Variants in ZNF430 observed in about 807,000 individuals in gnomAD.
ZNF430 encodes zinc finger protein 430.
In ZNF430, 35 loss-of-function variants were observed where a neutral mutation model predicts 56.7. The observed-to-expected ratio is 0.62, with a 90% CI of 0.47 to 0.82. ZNF430 has a LOEUF of 0.82. ZNF430 is among the 40% of genes least tolerant of loss of function. The pLI, the probability that ZNF430 is intolerant of heterozygous loss-of-function variation, is 0.00. For missense variants in ZNF430, 574 were observed against 661.0 expected (o/e 0.87, Z 1.44); for synonymous variants, 212 against 224.3 (o/e 0.94, Z 0.49).
chr19:21,027,192 A>G (rs2144752629), intron 2 of ZNF430, among the ~76,000 whole-genome samples: 1 of 152,156 alleles, frequency 6.6e-6, no homozygotes, highest in African/African-American at 2.4e-5. Flanking sequence ...TATGTTGAAT[A>G]GGATGTTTGA....
chr19:21,023,438 A>G (rs914277388), intron 2 of ZNF430, among the ~76,000 whole-genome samples: 1 of 152,228 alleles, frequency 6.6e-6, no homozygotes, highest in Non-Finnish European at 1.5e-5. Context: ...CCAAAGGCAT[A>G]AAAGTGGTGG....
chr19:21,045,102 T>C (rs1184557662), intron 4 of ZNF430, among the ~76,000 whole-genome samples: 1 of 152,200 alleles, frequency 6.6e-6, no homozygotes, highest in Admixed American at 6.6e-5. Flanking sequence ...TTCTTATGTC[T>C]TGTCTTCTGT....
chr19:21,056,662 G>A lies in ZNF430; in HGVS notation c.354G>A (p.Trp118Ter). ...VTYSHFAQDL[W>*]PEQGIKDSFQ... is the part of the protein sequence containing the mutation. ...ATTCTCATTTTGCCCAAGACCTTTG[G>A]CCAGAGCAGGGCATAAAAGATTCTT... Residue 118 changes from tryptophan to a stop codon, truncating the protein, a stop_gained, in exon 5 of 5, where the codon TGG (tryptophan) becomes TGA (stop). Transcript: ENST00000261560. LOFTEE classifies it high-confidence loss of function. 6.4e-7 allele frequency: 1 copy of A among 1,552,476 alleles called. No homozygotes were observed. Among genetic ancestry groups the A allele is most frequent in the Non-Finnish European group, 8.7e-7 (1 of 1,150,792 alleles).
intron 2 of ZNF430, among the ~76,000 whole-genome samples, chr19:21,023,211 G>T (rs1967729436): frequency 6.6e-6 from 1 of 152,172 alleles, no homozygotes; most frequent in African/African-American, 2.4e-5. Context: ...CTCCTGAGTG[G>T]GTGGTTCTTG....
At chr19:21,056,561 G>A in intron 4 of ZNF430, 70 bp from the exon 5 acceptor site, 1 of 1,154,362 alleles carries the variant, frequency 8.7e-7, no homozygotes, top group Non-Finnish European at 1.2e-6. Flanking sequence ...TAATTATATG[G>A]GTTAGATTTG....
At position 21,056,934 on chromosome 19, in the gene ZNF430, A is replaced by T. The variant is rs572758723; in HGVS notation, c.626A>T (p.Lys209Ile). Residue 209 changes from lysine (K) to isoleucine (I), a missense_variant, in exon 5 of 5, where the codon AAA (lysine) becomes ATA (isoleucine). Physicochemically the swap from Lys to Ile is moderately radical, Grantham distance 102. Coordinates refer to ENST00000261560, the MANE Select transcript of ZNF430 (RefSeq NM_025189.4). ...HTGKKPFKCK[K>I]CDKSFCMLLH... ...GGAAAGAAGCCTTTCAAATGTAAAA[A>T]ATGTGACAAATCGTTTTGCATGCTT... is the stretch of plus-strand genomic sequence containing the variant. The T allele has an allele frequency of 2.5e-5, 40 of 1,613,506 alleles. No homozygotes were observed. In the East Asian group the frequency reaches 8.5e-4, roughly 34 times the overall value.
chr19:21,043,071 T>A (rs917730121), intron 4 of ZNF430, among the ~76,000 whole-genome samples: 1 of 152,178 alleles, frequency 6.6e-6, no homozygotes, highest in Non-Finnish European at 1.5e-5. Flanking sequence ...TTAGGTTGTC[T>A]GTTCACTCTG....
intron 2 of ZNF430, among the ~76,000 whole-genome samples, chr19:21,027,740 T>TA (rs1459506243): frequency 2.0e-5 from 3 of 152,298 alleles, no homozygotes; most frequent in Admixed American, 6.5e-5. Flanking sequence ...GTACATCTGG[T>TA]AGAGTTCAGC....
intron 2 of ZNF430, among the ~76,000 whole-genome samples, chr19:21,023,489 A>T (rs758498528): frequency 2.6e-5 from 4 of 152,188 alleles, no homozygotes; most frequent in Non-Finnish European, 4.4e-5. Context: ...TATTCCATTC[A>T]TTAAAAATTC....
At position 21,054,876 on chromosome 19, in the gene ZNF430, G is replaced by A. The variant is rs569901616; in HGVS notation, c.323-1755G>A. Among the ~76,000 whole-genome samples the A allele has an allele frequency of 3.2e-3, 490 of 151,440 alleles. 3 individuals are homozygous for A. Among genetic ancestry groups the A allele is most frequent in the African/African-American group, 0.011 (461 of 41,308 alleles). Reference sequence around the variant, plus strand: ...TTTTTAGTAGAGACAAGGTTTCGCCGTATTAGCCAGGATGGTCTCAATCTC... The same window carrying A: ...TTTTTAGTAGAGACAAGGTTTCGCCATATTAGCCAGGATGGTCTCAATCTC... On this transcript the variant is annotated intron_variant, in intron 4 of 4. Transcript: ENST00000261560.
At chr19:21,041,803 A>T (rs1333927663) in intron 4 of ZNF430, among the ~76,000 whole-genome samples, 1 of 151,926 alleles carries the variant, frequency 6.6e-6, no homozygotes, top group Non-Finnish European at 1.5e-5. Flanking sequence ...AAACTCTGAT[A>T]CCCTGGTTCA....
chr19:21,041,713 T>G (rs1968105266), intron 4 of ZNF430, among the ~76,000 whole-genome samples: 1 of 20,846 alleles, frequency 4.8e-5, no homozygotes, highest in African/African-American at 2.4e-4. Context: ...TCCATGTTTG[T>G]TTTTGTTTTT....
chr19:21,039,991 C>T (rs1356275457), intron 4 of ZNF430, among the ~76,000 whole-genome samples: 1 of 152,020 alleles, frequency 6.6e-6, no homozygotes, highest in African/African-American at 2.4e-5. Flanking sequence ...CATGCACTAC[C>T]GTGCCTCGCT....
intron 2 of ZNF430, among the ~76,000 whole-genome samples, chr19:21,027,773 C>CT (rs548667524): frequency 3.3e-4 from 50 of 151,388 alleles, no homozygotes; most frequent in Non-Finnish European, 4.6e-4. Context: ...TGGTTCTTTG[C>CT]TTTTTTTTGG....
At chr19:21,038,796 A>G (rs762712142) in intron 4 of ZNF430, among the ~76,000 whole-genome samples, 6 of 152,212 alleles carry the variant, frequency 3.9e-5, no homozygotes, top group Non-Finnish European at 2.9e-5. Flanking sequence ...GCTATAGTTC[A>G]TAATGAAATT....
chr19:21,023,007 G>A, intron 2 of ZNF430, 126 bp downstream of exon 2: 1 of 649,140 alleles, frequency 1.5e-6, no homozygotes, highest in Non-Finnish European at 2.7e-6. Context: ...CCTCTGGATT[G>A]TCTAAGGGGG....
At chr19:21,021,866 C>A (rs1001951834) in intron 1 of ZNF430, among the ~76,000 whole-genome samples, 3 of 125,844 alleles carry the variant, frequency 2.4e-5, no homozygotes, top group African/African-American at 3.7e-5. Context: ...GATGGAGTCT[C>A]GCTCTTGTCG....
intron 2 of ZNF430, among the ~76,000 whole-genome samples, chr19:21,024,285 G>A (rs1432924490): frequency 6.6e-6 from 1 of 152,140 alleles, no homozygotes; most frequent in Non-Finnish European, 1.5e-5. Flanking sequence ...GAGATTGAGA[G>A]GGTCTTACTG....
intron 4 of ZNF430, among the ~76,000 whole-genome samples, chr19:21,044,447 G>A (rs1218997698): frequency 1.3e-5 from 2 of 152,124 alleles, no homozygotes; most frequent in East Asian, 1.9e-4. Context: ...TGATCGCGGT[G>A]GATAAGCTTT....
Sources: allele counts gnomAD v4.1 joint callset (sites outside exome capture counted in the v4.1 genomes callset), GRCh38; gene constraint gnomAD v4.1.1; transcripts MANE v1.5; gene names NCBI Gene and HGNC (gene_info 2026-07-23, HGNC 2026-07-21).